The following SRPRB variants were observed in gnomAD, a reference collection of about 807,000 sequenced individuals.
SRPRB encodes the protein signal recognition particle receptor subunit beta.
SRPRB carries 20 observed loss-of-function variants against 31.9 expected under a neutral mutation model. The ratio of observed to expected loss-of-function variants is 0.63; its 90% confidence interval spans 0.44 to 0.91. The LOEUF is 0.91. Among genes scored for constraint, SRPRB ranks in the 40% least tolerant of loss-of-function variants. The probability of loss-of-function intolerance (pLI) is 0.00; values close to 1 mark genes in which losing one functional copy is unlikely to be tolerated. For missense variants in SRPRB, 321 were observed against 324.9 expected (o/e 0.99, Z 0.09); for synonymous variants, 146 against 132.8 (o/e 1.10, Z -0.68).
intron 4 of SRPRB, among the ~76,000 whole-genome samples, chr3:133,813,703 C>A (rs568292992): frequency 6.6e-6 from 1 of 151,960 alleles, no homozygotes; most frequent in African/African-American, 2.4e-5. Flanking sequence ...AGTTATTCTC[C>A]CTCATAATTA....
At chr3:133,792,531 T>A (rs1222088451) in intron 1 of SRPRB, 1 of 152,214 alleles carries the variant, frequency 6.6e-6, no homozygotes. Context: ...CTCTGGGTCC[T>A]AGACTCCACA....
At chr3:133,792,497 G>T (rs1406533933) in intron 1 of SRPRB, 1 of 152,154 alleles carries the variant, frequency 6.6e-6, no homozygotes, top group African/African-American at 2.4e-5. Flanking sequence ...TCAGATGCTG[G>T]AGTCAGACCT....
At chr3:133,804,687 C>T (rs1935118799), upstream of SRPRB, among the ~76,000 whole-genome samples, 1 of 151,792 alleles carries the variant, frequency 6.6e-6, no homozygotes, top group Non-Finnish European at 1.5e-5. Flanking sequence ...CCTGAGAACC[C>T]TCCCTCCATG....
chr3:133,811,140 C>G lies in SRPRB; in HGVS notation c.351C>G (p.Asp117Glu). The change falls in exon 4 of 7, where the codon GAC (aspartate) becomes GAG (glutamate). Residue 117 changes from aspartate to glutamate, a missense_variant. By Grantham distance (45) the Asp-to-Glu change is conservative. Transcript: ENST00000678299. ...AGGGCAATAGTCTGACCTTGATTGA[C>G]CTTCCCGGCCATGAGAGTTTGAGGC... is the stretch of plus-strand genomic sequence containing the variant. ...NNRGNSLTLIDLPGHESLRLQ... is the reference protein window; with the variant it reads ...NNRGNSLTLIELPGHESLRLQ... The G allele has an allele frequency of 6.2e-7, 1 of 1,614,182 alleles. No individual in the cohort carries two copies. Among genetic ancestry groups the G allele is most frequent in the Non-Finnish European group, 8.5e-7 (1 of 1,180,024 alleles).
intron 1 of SRPRB, among the ~76,000 whole-genome samples, chr3:133,800,192 A>G (rs1396895797): frequency 1.3e-5 from 2 of 152,224 alleles, no homozygotes; most frequent in Admixed American, 1.3e-4. Flanking sequence ...GGGACCACCT[A>G]GGACCTCCGG....
chr3:133,797,752 T>A (rs1935000021), intron 1 of SRPRB, among the ~76,000 whole-genome samples: 1 of 152,212 alleles, frequency 6.6e-6, no homozygotes, highest in Non-Finnish European at 1.5e-5. Flanking sequence ...TGGTGTGTTT[T>A]AAAGAATAAA....
At chr3:133,815,870 T>A in intron 5 of SRPRB, 144 bp downstream of exon 5, 1 of 1,035,778 alleles carries the variant, frequency 9.7e-7, no homozygotes, top group African/African-American at 1.6e-5. Flanking sequence ...TTTTTAATCT[T>A]AAAATTTATT....
intron 1 of SRPRB, chr3:133,787,915 T>C (rs1001896090): frequency 9.9e-5 from 15 of 152,222 alleles, no homozygotes; most frequent in African/African-American, 3.6e-4. Flanking sequence ...GACTATCTTC[T>C]GAAAACGACT....
chr3:133,799,731 G>T (rs1476810733), intron 1 of SRPRB, among the ~76,000 whole-genome samples: 1 of 152,094 alleles, frequency 6.6e-6, no homozygotes, highest in African/African-American at 2.4e-5. Context: ...AAAGGTCCCA[G>T]CTAGATTCTG....
chr3:133,805,771 T>C (rs1935139307), upstream of SRPRB: 16 of 1,498,376 alleles, frequency 1.1e-5, no homozygotes, highest in Non-Finnish European at 1.4e-5. Context: ...ACCATTCGCG[T>C]GAGGCTCTGC....
rs745962062 is a variant in SRPRB at position 133,806,454 on chromosome 3, C to G, written c.155-155C>G. The G allele has an allele frequency of 3.1e-5, 19 of 604,618 alleles. No individual in the cohort carries two copies. In the Admixed American group the frequency reaches 3.6e-4, roughly 12 times the overall value. The allele number at this position is 604,618 out of a possible 1,614,324, so 37.5% of individuals were successfully genotyped here. ...GACAGTGCCTGGCTCTCAGTGGATC[C>G]CTAACAACAGCAATAGTAACCATTA... On this transcript the variant is annotated intron_variant, in intron 1 of 6. Coordinates refer to ENST00000678299, the MANE Select transcript of SRPRB (RefSeq NM_001379313.1).
chr3:133,821,234 C>G lies in SRPRB; in HGVS notation c.*1468C>G, dbSNP rs1319455580. ...CAGGCTCCTACCCCAAAGCACATGT[C>G]AGCCTTGCTGCTGGAGCACGAAGAC... On this transcript the variant is annotated 3_prime_UTR_variant, in exon 7 of 7. Coordinates refer to ENST00000678299, the MANE Select transcript of SRPRB (RefSeq NM_001379313.1). 1 of 152,260 alleles carries G rather than the reference C, an allele frequency of 6.6e-6. No homozygotes were observed. The highest frequency in any genetic ancestry group is 1.5e-5 in the Non-Finnish European group (1 of 68,048). 9.4% of individuals were successfully genotyped at this position (152,260 alleles called of 1,614,324 possible).
intron 3 of SRPRB, 97 bp downstream of exon 3, chr3:133,807,920 G>C: frequency 1.2e-6 from 1 of 820,034 alleles, no homozygotes; most frequent in South Asian, 1.6e-5. Context: ...GAGGATGTAA[G>C]TACCATTTGT....
intron 1 of SRPRB, chr3:133,791,539 T>A (rs1483090748): frequency 6.6e-6 from 1 of 152,218 alleles, no homozygotes; most frequent in African/African-American, 2.4e-5. Flanking sequence ...TGTAAAGTTT[T>A]GATTAATATA....
At chr3:133,816,674 A>G (rs938948918) in intron 5 of SRPRB, among the ~76,000 whole-genome samples, 2 of 152,248 alleles carry the variant, frequency 1.3e-5, no homozygotes, top group Non-Finnish European at 2.9e-5. Context: ...CCAGCATAAT[A>G]TGTTTATAAG....
downstream of SRPRB, chr3:133,827,751 C>CCCCA: frequency 1.5e-5 from 1 of 66,296 alleles, no homozygotes; most frequent in Non-Finnish European, 4.2e-5. Context: ...ACAACACCCC[C>CCCCA]CCCCCCCCCC....
chr3:133,813,752 T>C (rs987299808), intron 4 of SRPRB, among the ~76,000 whole-genome samples: 17 of 152,388 alleles, frequency 1.1e-4, no homozygotes, highest in South Asian at 2.1e-4. Context: ...CCAGAACCTT[T>C]CTTCAAGAGT....
intron 5 of SRPRB, 133 bp downstream of exon 5, chr3:133,815,859 A>AT: frequency 9.0e-7 from 1 of 1,114,978 alleles, no homozygotes; most frequent in African/African-American, 1.6e-5. Flanking sequence ...AAATTGAAGG[A>AT]TTTTTAATCT....
At chr3:133,805,334 CTT>C (rs1466024116), upstream of SRPRB, among the ~76,000 whole-genome samples, 1 of 152,212 alleles carries the variant, frequency 6.6e-6, no homozygotes, top group Non-Finnish European at 1.5e-5. Context: ...CTAACTCATT[CTT>C]CAGGACTCAA....
Sources: gnomAD v4.1 joint callset for allele counts (sites outside exome capture counted in the v4.1 genomes callset) on GRCh38, gnomAD v4.1.1 for gene constraint, MANE v1.5 for transcripts, NCBI Gene and HGNC (gene_info 2026-07-23, HGNC 2026-07-21) for gene names.